Variants in TAB2 observed in about 807,000 individuals in gnomAD.
TAB2 encodes the protein TGF-beta-activated kinase 1 and MAP3K7-binding protein 2.
In TAB2, 3 loss-of-function variants were observed where a neutral mutation model predicts 65.0. The ratio of observed to expected loss-of-function variants is 0.05; its 90% CI spans 0.02 to 0.12. The LOEUF (loss-of-function observed/expected upper bound fraction) is 0.12, where lower values mean the gene tolerates loss of function less well. Among genes scored for constraint, TAB2 ranks in the 10% least tolerant of loss-of-function variants. The pLI is 1.00. For synonymous variants in TAB2, 298 were observed against 285.1 expected (o/e 1.05, Z -0.46); for missense variants, 623 against 840.3 (o/e 0.74, Z 3.20).
chr6:149,231,627 G>A (rs906697380), intron 1 of TAB2, among the ~76,000 whole-genome samples: 2 of 152,212 alleles, frequency 1.3e-5, no homozygotes, highest in African/African-American at 4.8e-5. Context: ...ATGTAGATGA[G>A]TCTAATTTCT....
intron 1 of TAB2, among the ~76,000 whole-genome samples, chr6:149,262,394 G>A (rs893506165): frequency 5.3e-5 from 8 of 152,124 alleles, no homozygotes; most frequent in Non-Finnish European, 1.2e-4. Context: ...GTAGCTGGGC[G>A]TGGTGGTGGG....
chr6:149,320,528 C>A (rs1779411891), intron 1 of TAB2, among the ~76,000 whole-genome samples: 1 of 141,170 alleles, frequency 7.1e-6, no homozygotes, highest in Non-Finnish European at 1.6e-5. Flanking sequence ...AATTTCTTTT[C>A]CCAAAATACT....
chr6:149,303,898 G>A (rs576132674), intron 1 of TAB2, among the ~76,000 whole-genome samples: 1 of 152,378 alleles, frequency 6.6e-6, no homozygotes, highest in Non-Finnish European at 1.5e-5. Context: ...TGAGTGCCTT[G>A]AGGGAGGCGC....
At chr6:149,241,565 C>T (rs1777598446) in intron 1 of TAB2, among the ~76,000 whole-genome samples, 1 of 152,102 alleles carries the variant, frequency 6.6e-6, no homozygotes, top group Non-Finnish European at 1.5e-5. Flanking sequence ...TTCCATTTGC[C>T]AGCCACCATT....
intron 1 of TAB2, among the ~76,000 whole-genome samples, chr6:149,273,245 G>A (rs1039093244): frequency 6.6e-6 from 1 of 152,168 alleles, no homozygotes. Context: ...AGTCAAGAAT[G>A]GCATCCTTAG....
intron 1 of TAB2, among the ~76,000 whole-genome samples, chr6:149,240,241 G>A (rs1777573463): frequency 6.6e-6 from 1 of 152,194 alleles, no homozygotes; most frequent in African/African-American, 2.4e-5. Flanking sequence ...TACCTGTTTG[G>A]CAGGCATCTT....
chr6:149,318,272 G>GC (rs953389818), intron 1 of TAB2, among the ~76,000 whole-genome samples: 5 of 87,004 alleles, frequency 5.7e-5, no homozygotes, highest in Admixed American at 1.2e-4. Flanking sequence ...GGGCGTCCGT[G>GC]CGGGGGGGGA....
At chr6:149,330,213 C>G (rs1171089747) in intron 1 of TAB2, among the ~76,000 whole-genome samples, 2 of 152,006 alleles carry the variant, frequency 1.3e-5, no homozygotes, top group Admixed American at 6.6e-5. Context: ...CACAATTTGA[C>G]TTTGGAATTT....
intron 4 of TAB2, 49 bp from the exon 5 acceptor site, chr6:149,397,920 A>C (rs1178958667): frequency 6.3e-7 from 1 of 1,586,782 alleles, no homozygotes; most frequent in East Asian, 2.2e-5. Context: ...TTATTAACTA[A>C]TGACTAAGAA....
chr6:149,313,380 T>C (rs932961518), upstream of TAB2, among the ~76,000 whole-genome samples: 5 of 152,128 alleles, frequency 3.3e-5, no homozygotes, highest in East Asian at 1.9e-4. Flanking sequence ...TTCTGTACAA[T>C]ACATGGCCCA....
chr6:149,289,906 C>T (rs1325068055), intron 1 of TAB2, among the ~76,000 whole-genome samples: 1 of 152,024 alleles, frequency 6.6e-6, no homozygotes, highest in African/African-American at 2.4e-5. Context: ...GCGTGGGGGG[C>T]ACAGTGGCAG....
At chr6:149,403,248 ATATATATATATATAT>A (rs1281395629) in intron 6 of TAB2, among the ~76,000 whole-genome samples, 4 of 30,580 alleles carry the variant, frequency 1.3e-4, no homozygotes, top group African/African-American at 6.0e-4. Flanking sequence ...AAAAAAAAAA[ATATATATATATATAT>A]ATATATATAT....
chr6:149,294,682 G>A (rs1383836396), intron 1 of TAB2, among the ~76,000 whole-genome samples: 2 of 152,266 alleles, frequency 1.3e-5, no homozygotes, highest in African/African-American at 4.8e-5. Context: ...ATCATATAAT[G>A]TAAATTATGT....
At chr6:149,285,681 C>T (rs55687017) in intron 1 of TAB2, among the ~76,000 whole-genome samples, 29,095 of 152,188 alleles carry the variant, frequency 0.19, 3,012 homozygotes, top group East Asian at 0.43. Flanking sequence ...GAGAGAAAAA[C>T]CCCTTCTATA....
chr6:149,235,689 T>G (rs1232293871), intron 1 of TAB2, among the ~76,000 whole-genome samples: 1 of 152,218 alleles, frequency 6.6e-6, no homozygotes, highest in African/African-American at 2.4e-5. Flanking sequence ...TGCTTAGCAC[T>G]GCCTCTACAA....
At chr6:149,346,537 T>C (rs1272271351) in intron 1 of TAB2, 2 of 142,406 alleles carry the variant, frequency 1.4e-5, no homozygotes, top group Non-Finnish European at 3.0e-5. Flanking sequence ...TACTGCAACC[T>C]CCGCCTCCCG....
At chr6:149,286,693 G>A (rs568057737) in intron 1 of TAB2, among the ~76,000 whole-genome samples, 2 of 152,278 alleles carry the variant, frequency 1.3e-5, no homozygotes, top group Non-Finnish European at 2.9e-5. Flanking sequence ...TATCACAATA[G>A]GGGATTCACT....
At chr6:149,254,010 GAAAGAAAGAAAGAAAA>G (rs1562389405) in intron 1 of TAB2, among the ~76,000 whole-genome samples, 1 of 137,166 alleles carries the variant, frequency 7.3e-6, no homozygotes, top group Non-Finnish European at 1.6e-5. Flanking sequence ...AAGAAAGAAA[GAAAGAAAGAAAGAAAA>G]GAAAGAAAGA....
chr6:149,333,911 A>G (rs958336647), intron 1 of TAB2, among the ~76,000 whole-genome samples: 7 of 152,136 alleles, frequency 4.6e-5, no homozygotes, highest in Admixed American at 1.3e-4. Flanking sequence ...GAGCTGTATA[A>G]AATAATTCTT....
Sources: allele counts gnomAD v4.1 joint callset (sites outside exome capture counted in the v4.1 genomes callset), GRCh38; gene constraint gnomAD v4.1.1; transcripts MANE v1.5; gene names NCBI Gene and HGNC (gene_info 2026-07-23, HGNC 2026-07-21).